The following WSCD2 variants were observed in gnomAD, a reference collection of about 807,000 sequenced individuals.
WSCD2 encodes sialate:O-sulfotransferase 2.
A neutral mutation model predicts 55.7 loss-of-function variants in WSCD2; 28 were observed. The ratio of observed to expected loss-of-function variants is 0.50; its 90% CI spans 0.37 to 0.69. WSCD2 has a LOEUF of 0.69. Ranked by LOEUF, WSCD2 falls within the 30% of genes least tolerant of loss-of-function variation. The pLI, the probability that WSCD2 is intolerant of heterozygous loss-of-function variation, is 0.00. For missense variants in WSCD2, 616 were observed against 762.1 expected (o/e 0.81, Z 2.26); for synonymous variants, 301 against 301.9 (o/e 1.00, Z 0.03).
intron 7 of WSCD2, among the ~76,000 whole-genome samples, chr12:108,235,593 A>C (rs1445322927): frequency 6.6e-6 from 1 of 152,154 alleles, no homozygotes; most frequent in East Asian, 1.9e-4. Context: ...GGGCAATATT[A>C]ATTGGTCATT....
intron 7 of WSCD2, among the ~76,000 whole-genome samples, chr12:108,238,827 G>A (rs1434686295): frequency 6.6e-6 from 1 of 152,224 alleles, no homozygotes. Flanking sequence ...CTTAGAGGGT[G>A]AAGGACACAT....
chr12:108,196,142 C>G lies in WSCD2; in HGVS notation c.310C>G (p.Leu104Val). 6.2e-7 allele frequency: 1 copy of G among 1,614,172 alleles called. No homozygotes were observed. The highest frequency in any genetic ancestry group is 1.1e-5 in the South Asian group (1 of 91,074). The change falls in exon 2 of 9, where the codon CTT becomes GTT. Residue 104 changes from leucine to valine, a missense_variant. Physicochemically the swap from Leu to Val is conservative, Grantham distance 32. This residue lies in a region of WSCD2 where 374 missense variants were observed against 467.4 expected (regional missense o/e 0.80). Transcript: ENST00000547525. ...KGKDGNERAK[L>V]GDYGGAWSRA... ...CAAGGATGGGAATGAGAGAGCCAAGCTTGGCGACTACGGTGGAGCCTGGAG... is the reference window on the plus strand; with the variant it reads ...CAAGGATGGGAATGAGAGAGCCAAGGTTGGCGACTACGGTGGAGCCTGGAG...
chr12:108,137,301 A>T (rs1392493902), intron 1 of WSCD2, among the ~76,000 whole-genome samples: 6 of 152,222 alleles, frequency 3.9e-5, no homozygotes, highest in Non-Finnish European at 8.8e-5. Flanking sequence ...AACTCTCTGT[A>T]AAACACAATA....
At chr12:108,216,052 C>T (rs907251846) in intron 4 of WSCD2, among the ~76,000 whole-genome samples, 4 of 152,162 alleles carry the variant, frequency 2.6e-5, no homozygotes, top group African/African-American at 9.7e-5. Context: ...GAGAGGATTT[C>T]TGGAAAATTC....
chr12:108,139,391 T>A (rs977220915), intron 1 of WSCD2, among the ~76,000 whole-genome samples: 1 of 152,174 alleles, frequency 6.6e-6, no homozygotes, highest in Non-Finnish European at 1.5e-5. Flanking sequence ...ACTGGGGACT[T>A]GGAACAGACC....
chr12:108,232,928 G>A (rs375025598), intron 7 of WSCD2, 33 bp downstream of exon 7: 122 of 1,600,118 alleles, frequency 7.6e-5, no homozygotes, highest in Non-Finnish European at 1.0e-4. Context: ...AGGGCAAGAG[G>A]TTCCCTGGGC....
chr12:108,158,597 A>G (rs1397813039), intron 1 of WSCD2, among the ~76,000 whole-genome samples: 2 of 151,974 alleles, frequency 1.3e-5, no homozygotes, highest in Non-Finnish European at 2.9e-5. Context: ...TGTCTCTCTG[A>G]GTCTCCATTT....
intron 1 of WSCD2, among the ~76,000 whole-genome samples, chr12:108,180,409 G>C (rs1479540478): frequency 6.6e-6 from 1 of 152,256 alleles, no homozygotes; most frequent in African/African-American, 2.4e-5. Context: ...TGTGCAGTTT[G>C]TGCAGGATAC....
intron 8 of WSCD2, among the ~76,000 whole-genome samples, chr12:108,243,491 C>T (rs543002445): frequency 5.9e-5 from 9 of 152,322 alleles, no homozygotes; most frequent in East Asian, 1.9e-4. Context: ...GCCTCTGCCT[C>T]CCGAAGTGCT....
At chr12:108,134,834 T>C (rs2011229237) in intron 1 of WSCD2, among the ~76,000 whole-genome samples, 1 of 152,164 alleles carries the variant, frequency 6.6e-6, no homozygotes, top group Non-Finnish European at 1.5e-5. Flanking sequence ...AGCTTTGTAT[T>C]CATCTAGTCT....
intron 1 of WSCD2, among the ~76,000 whole-genome samples, chr12:108,145,741 A>G (rs554663405): frequency 6.6e-6 from 1 of 152,350 alleles, no homozygotes; most frequent in Non-Finnish European, 1.5e-5. Context: ...ATGGTAGAAT[A>G]GATAAGTAAA....
chr12:108,210,291 A>T lies in WSCD2; in HGVS notation c.668A>T (p.Glu223Val). Residue 223 changes from glutamate to valine, a missense_variant, in exon 4 of 9, where the codon GAG becomes GTG. Glu to Val is a moderately radical substitution (Grantham distance 121). Coordinates refer to ENST00000547525, the MANE Select transcript of WSCD2 (RefSeq NM_014653.4). The surrounding 1 kb of genome is among the most constrained non-coding windows in gnomAD (Gnocchi z 4.3). ...GTCTACCGGCTGCAGCTGGCCCAGGAGTCGGCCCGCAGGTGTACGTGAGTC... is the reference window on the plus strand; with the variant it reads ...GTCTACCGGCTGCAGCTGGCCCAGGTGTCGGCCCGCAGGTGTACGTGAGTC... Reference protein sequence around the residue: ...LSVYRLQLAQESARRYGSAVF... With the variant: ...LSVYRLQLAQVSARRYGSAVF... 2 of 1,590,264 alleles carry T rather than the reference A, an allele frequency of 1.3e-6. No homozygotes were observed. Among genetic ancestry groups the T allele is most frequent in the Non-Finnish European group, 1.7e-6 (2 of 1,170,046 alleles).
intron 4 of WSCD2, among the ~76,000 whole-genome samples, chr12:108,221,320 T>C (rs1310348955): frequency 1.3e-5 from 2 of 152,094 alleles, no homozygotes; most frequent in Non-Finnish European, 2.9e-5. Flanking sequence ...TTTGGGAGGC[T>C]GAGACAAGCA....
At chr12:108,201,429 T>G (rs1185988174) in intron 2 of WSCD2, among the ~76,000 whole-genome samples, 1 of 150,210 alleles carries the variant, frequency 6.7e-6, no homozygotes, top group Non-Finnish European at 1.5e-5. Context: ...ATAACAAAAT[T>G]CCATCTGCCA....
At chr12:108,169,854 T>C (rs1880047105) in intron 1 of WSCD2, among the ~76,000 whole-genome samples, 1 of 152,182 alleles carries the variant, frequency 6.6e-6, no homozygotes, top group Admixed American at 6.5e-5. Context: ...GCAGTGACTC[T>C]GTAAATTTTG....
chr12:108,149,264 C>G (rs1877715671), intron 1 of WSCD2, among the ~76,000 whole-genome samples: 1 of 152,200 alleles, frequency 6.6e-6, no homozygotes, highest in South Asian at 2.1e-4. Flanking sequence ...ATTGGGAAAC[C>G]TCTGAGCAAA....
intron 1 of WSCD2, among the ~76,000 whole-genome samples, chr12:108,190,608 G>A (rs1436145641): frequency 6.6e-6 from 1 of 152,182 alleles, no homozygotes; most frequent in Admixed American, 6.5e-5. Context: ...CCTGCAGGCA[G>A]CTCTTCCCCA....
At chr12:108,241,718 C>T (rs1889762496) in intron 8 of WSCD2, among the ~76,000 whole-genome samples, 1 of 152,052 alleles carries the variant, frequency 6.6e-6, no homozygotes, top group African/African-American at 2.4e-5. Flanking sequence ...TTTTTTACTA[C>T]ACACAAAAAC....
In WSCD2 at chr12:108,196,056, G is replaced by A. The variant is rs1197446218; in HGVS notation, c.224G>A (p.Gly75Asp). ...SFLGDMHLGR[G>D]FRDTGEASSI... ...TTGGGTGACATGCATCTGGGCAGAG[G>A]TTTCCGGGACACAGGTGAAGCCTCA... Residue 75 changes from glycine (G) to aspartate (D), a missense_variant, in exon 2 of 9, where the codon GGT (glycine) becomes GAT (aspartate). By Grantham distance (94) the Gly-to-Asp change is moderately conservative. Transcript: ENST00000547525. 1 of 1,614,182 alleles carries A rather than the reference G, an allele frequency of 6.2e-7. No individual in the cohort carries two copies. Among genetic ancestry groups the A allele is most frequent in the Non-Finnish European group, 8.5e-7 (1 of 1,180,024 alleles).
Sources: gnomAD v4.1 joint callset for allele counts (sites outside exome capture counted in the v4.1 genomes callset) on GRCh38, gnomAD v4.1.1 for gene constraint, gnomAD v4.1.1 regional missense constraint, Gnocchi (gnomAD v3.1) non-coding constraint, MANE v1.5 for transcripts, NCBI Gene and HGNC (gene_info 2026-07-23, HGNC 2026-07-21) for gene names.